HPCAL1: variants seen among roughly 807,000 people sequenced by gnomAD.
HPCAL1 encodes the protein hippocalcin-like protein 1.
HPCAL1 carries 8 observed loss-of-function variants against 17.1 expected under a neutral mutation model. That is an observed-to-expected ratio of 0.47 (90% CI 0.27 to 0.84). The LOEUF (loss-of-function observed/expected upper bound fraction) is 0.84. Ranked by LOEUF, HPCAL1 falls within the 40% of genes least tolerant of loss-of-function variation. The pLI, the probability that HPCAL1 is intolerant of heterozygous loss-of-function variation, is 0.13. For missense variants in HPCAL1, 165 were observed against 271.1 expected (o/e 0.61, Z 2.75); for synonymous variants, 112 against 111.4 (o/e 1.01, Z -0.03).
Position 10,404,817 on chromosome 2 carries a change from C to T in HPCAL1, c.-25+7897C>T, listed in dbSNP as rs188824993. Among the ~76,000 whole-genome samples, 4 of 152,356 alleles carry T rather than the reference C, an allele frequency of 2.6e-5. No homozygotes were observed. In the East Asian group the frequency reaches 5.8e-4, roughly 22 times the overall value. ...GTCTAGGCCACCGTGGTCCCAGGCT[C>T]TCTGCCCAGCTGGGCCTCAGGACCA... On this transcript the variant is annotated intron_variant, in intron 2 of 4. Coordinates refer to ENST00000307845, the MANE Select transcript of HPCAL1 (RefSeq NM_002149.4).
intron 2 of HPCAL1, among the ~76,000 whole-genome samples, chr2:10,404,681 G>A (rs959935856): frequency 3.9e-5 from 6 of 152,184 alleles, no homozygotes; most frequent in Admixed American, 1.3e-4. Flanking sequence ...ATCTTGGACC[G>A]AGTGGGCTCT....
At chr2:10,320,287 C>T (rs907629557) in intron 1 of HPCAL1, among the ~76,000 whole-genome samples, 2 of 152,244 alleles carry the variant, frequency 1.3e-5, no homozygotes, top group South Asian at 2.1e-4. Flanking sequence ...ACCCAAATCT[C>T]GTGTTGAATT....
At chr2:10,376,995 C>T (rs970802023) in intron 1 of HPCAL1, among the ~76,000 whole-genome samples, 1 of 149,582 alleles carries the variant, frequency 6.7e-6, no homozygotes, top group Non-Finnish European at 1.5e-5. Flanking sequence ...CAATACATAC[C>T]GTATTGTATT....
chr2:10,390,948 C>T (rs1668650746), intron 1 of HPCAL1, among the ~76,000 whole-genome samples: 2 of 152,194 alleles, frequency 1.3e-5, no homozygotes, highest in South Asian at 4.1e-4. Flanking sequence ...TTCCTGAGGG[C>T]CTGGGGTCCG....
intron 1 of HPCAL1, among the ~76,000 whole-genome samples, chr2:10,328,891 C>T (rs1254289311): frequency 6.6e-6 from 1 of 151,944 alleles, no homozygotes; most frequent in Admixed American, 6.6e-5. Flanking sequence ...CCTGCTGACA[C>T]CCCACCCCCA....
At position 10,394,473 on chromosome 2, in the gene HPCAL1, C is replaced by T. The variant is rs1016540306; in HGVS notation, c.-110-2362C>T. Among the ~76,000 whole-genome samples, 3 of 152,188 alleles carry T rather than the reference C, an allele frequency of 2.0e-5. No individual in the cohort carries two copies. The highest frequency in any genetic ancestry group is 4.8e-5 in the African/African-American group (2 of 41,432). On this transcript the variant is annotated intron_variant, in intron 1 of 4. Transcript: ENST00000307845. The surrounding 1 kb of genome is among the most constrained non-coding windows in gnomAD (Gnocchi z 5.0). ...TTGGCTGAGATCATCGATTTGAAAACGCCGTGAGAAAATATGGGGCAAGGC... is the reference window on the plus strand; with the variant it reads ...TTGGCTGAGATCATCGATTTGAAAATGCCGTGAGAAAATATGGGGCAAGGC...
chr2:10,383,566 T>C (rs1354174854), intron 1 of HPCAL1, among the ~76,000 whole-genome samples: 1 of 152,066 alleles, frequency 6.6e-6, no homozygotes, highest in African/African-American at 2.4e-5. Context: ...TTTCACTATG[T>C]TGGCCAGGCT....
intron 4 of HPCAL1, chr2:10,426,444 T>C (rs1424292649): frequency 2.4e-6 from 1 of 410,392 alleles, no homozygotes; most frequent in African/African-American, 2.0e-5. Flanking sequence ...TGGGGTGATT[T>C]CTAAAAGGAT....
chr2:10,405,822 G>A (rs905683661), intron 2 of HPCAL1, among the ~76,000 whole-genome samples: 2 of 152,212 alleles, frequency 1.3e-5, no homozygotes, highest in Non-Finnish European at 2.9e-5. Context: ...TGATGAAGGG[G>A]CGTCTAAAGC....
intron 1 of HPCAL1, among the ~76,000 whole-genome samples, chr2:10,324,816 G>GTTTTTTTTTTTTTTTTTTTTTTTTT (rs3036350): frequency 1.5e-5 from 1 of 66,388 alleles, no homozygotes; most frequent in African/African-American, 7.2e-5. Context: ...TGGTTTTTGT[G>GTTTTTTTTTTTTTTTTTTTTTTTTT]TTTTTTTTTT....
At chr2:10,353,179 A>G (rs1006624041) in intron 1 of HPCAL1, among the ~76,000 whole-genome samples, 28 of 152,172 alleles carry the variant, frequency 1.8e-4, no homozygotes, top group African/African-American at 6.8e-4. Context: ...CAGTTTCCTC[A>G]TCTGTCAAAT....
intron 1 of HPCAL1, among the ~76,000 whole-genome samples, chr2:10,314,206 A>G (rs747009248): frequency 6.6e-6 from 1 of 151,948 alleles, no homozygotes; most frequent in Non-Finnish European, 1.5e-5. Flanking sequence ...AGCAACTGCC[A>G]TCTTAAGAGG....
chr2:10,396,638 G>T (rs912604313), intron 1 of HPCAL1, among the ~76,000 whole-genome samples, 197 bp from the exon 2 acceptor site: 1 of 152,236 alleles, frequency 6.6e-6, no homozygotes, highest in Non-Finnish European at 1.5e-5. Context: ...TCGCCTGCTG[G>T]GGTGCAGCGG....
intron 1 of HPCAL1, among the ~76,000 whole-genome samples, chr2:10,317,594 T>C (rs1338102866): frequency 6.6e-6 from 1 of 152,162 alleles, no homozygotes; most frequent in Non-Finnish European, 1.5e-5. Context: ...ATTTTTGTAT[T>C]TTTAGCAGAG....
intron 1 of HPCAL1, among the ~76,000 whole-genome samples, chr2:10,311,552 C>T (rs1290340125): frequency 6.6e-6 from 1 of 152,110 alleles, no homozygotes; most frequent in Non-Finnish European, 1.5e-5. Context: ...TGATTATTCT[C>T]AGAGCTCATT....
At chr2:10,418,584 G>A (rs1200378054) in intron 2 of HPCAL1, among the ~76,000 whole-genome samples, 2 of 152,080 alleles carry the variant, frequency 1.3e-5, no homozygotes, top group Non-Finnish European at 2.9e-5. Context: ...CAAACACAGA[G>A]TTCAAAGTGG....
rs370123813 is a variant in HPCAL1 at position 10,367,606 on chromosome 2, C to T, written c.-110-29229C>T. 7.9e-5 allele frequency among the ~76,000 whole-genome samples: 12 copies of T among 152,286 alleles called. 1 individual carries two copies. Among genetic ancestry groups the T allele is most frequent in the African/African-American group, 2.4e-4 (10 of 41,526 alleles). On this transcript the variant is annotated intron_variant, in intron 1 of 4. Coordinates refer to ENST00000307845, the MANE Select transcript of HPCAL1 (RefSeq NM_002149.4). The surrounding 1 kb of genome is among the most constrained non-coding windows in gnomAD (Gnocchi z 4.4). ...AGCAACAACAATCACTGTCATCCCACGGGTTGGTTTAGATGTAAATTTTAT... is the reference window on the plus strand; with the variant it reads ...AGCAACAACAATCACTGTCATCCCATGGGTTGGTTTAGATGTAAATTTTAT...
At position 10,384,060 on chromosome 2, in the gene HPCAL1, C is replaced by CTGGATTG. The variant is rs1253930204; in HGVS notation, c.-110-12774_-110-12768dup. ...ACACACACACCTTTTGCTGGTGGCTCTGGATTGGTAAGCTGGCTCCATGGC... is the reference window on the plus strand; with the variant it reads ...ACACACACACCTTTTGCTGGTGGCTCTGGATTGTGGATTGGTAAGCTGGCTCCATGGC... On this transcript the variant is annotated intron_variant, in intron 1 of 4. Transcript: ENST00000307845. The surrounding 1 kb of genome is among the most constrained non-coding windows in gnomAD (Gnocchi z 4.4). 6.6e-6 allele frequency among the ~76,000 whole-genome samples: 1 copy of CTGGATTG among 152,094 alleles called. No individual in the cohort carries two copies. Among genetic ancestry groups the CTGGATTG allele is most frequent in the Non-Finnish European group, 1.5e-5 (1 of 67,998 alleles).
At chr2:10,375,872 G>A (rs1247073551) in intron 1 of HPCAL1, among the ~76,000 whole-genome samples, 2 of 152,186 alleles carry the variant, frequency 1.3e-5, no homozygotes, top group Non-Finnish European at 2.9e-5. Context: ...TAGCTGCGGA[G>A]ACAATAAATA....
Sources: allele counts gnomAD v4.1 joint callset (sites outside exome capture counted in the v4.1 genomes callset), GRCh38; gene constraint gnomAD v4.1.1; non-coding constraint Gnocchi (gnomAD v3.1); transcripts MANE v1.5; gene names NCBI Gene and HGNC (gene_info 2026-07-23, HGNC 2026-07-21).